The following ARVCF variants were observed in gnomAD, a reference collection of about 807,000 sequenced individuals.
ARVCF encodes splicing regulator ARVCF.
Under a neutral mutation model 90.9 loss-of-function variants are expected in ARVCF, and 66 were observed. The observed-to-expected ratio is 0.73, with a 90% CI of 0.60 to 0.89. ARVCF has a LOEUF of 0.89. ARVCF is among the 40% of genes least tolerant of loss of function. The pLI is 0.00. For synonymous variants in ARVCF, 653 were observed against 603.4 expected (o/e 1.08, Z -1.21); for missense variants, 1,469 against 1,382.3 (o/e 1.06, Z -1.00).
chr22:19,988,123 C>A (rs895716773), intron 3 of ARVCF, among the ~76,000 whole-genome samples: 3 of 152,204 alleles, frequency 2.0e-5, no homozygotes, highest in African/African-American at 7.2e-5. Flanking sequence ...TCCGCAGACC[C>A]CTCAGAAAAC....
intron 1 of ARVCF, among the ~76,000 whole-genome samples, chr22:20,013,859 G>GT (rs1355165980): frequency 1.3e-5 from 2 of 152,192 alleles, no homozygotes; most frequent in East Asian, 3.9e-4. Context: ...TTTTCTGTTT[G>GT]TTTTTTTGTG....
At chr22:20,016,127 G>A (rs1026287882) in intron 1 of ARVCF, among the ~76,000 whole-genome samples, 3 of 152,158 alleles carry the variant, frequency 2.0e-5, no homozygotes, top group East Asian at 3.9e-4. Context: ...CCGGGCCGTC[G>A]GTGCCCCTGA....
At position 19,994,030 on chromosome 22, in the gene ARVCF, C is replaced by T. The variant is rs113268705; in HGVS notation, c.-18-3218G>A. Among the ~76,000 whole-genome samples, 1,080 of 152,140 alleles carry T rather than the reference C, an allele frequency of 7.1e-3. 3 individuals are homozygous for T. The highest frequency in any genetic ancestry group is 0.01 in the Non-Finnish European group (704 of 68,016). Reference sequence around the variant, plus strand: ...CAGGAGAAGAGGGTGGCCCCAGGCACACAGCCCATGGAAGACTAGAGGGAG... The same window carrying T: ...CAGGAGAAGAGGGTGGCCCCAGGCATACAGCCCATGGAAGACTAGAGGGAG... On this transcript the variant is annotated intron_variant, in intron 2 of 19. Transcript: ENST00000263207.
Position 19,973,135 on chromosome 22 carries a change from C to T in ARVCF, c.2422G>A (p.Ala808Thr). Reference protein sequence around the residue: ...LQARGVPALVALVASSQSVRE... With the variant: ...LQARGVPALVTLVASSQSVRE... ...CCTCCACACCTGGAGGCCACGAGAG[C>T]CACCAACGCTGGCACCCCGCGTGCC... The change falls in exon 14 of 20, where the codon GCT becomes ACT. Residue 808 changes from alanine to threonine, a missense_variant. Transcript: ENST00000263207. 2 of 1,607,538 alleles carry T rather than the reference C, an allele frequency of 1.2e-6. No homozygotes were observed. The highest frequency in any genetic ancestry group is 1.7e-6 in the Non-Finnish European group (2 of 1,177,880).
intron 9 of ARVCF, 146 bp from the exon 10 acceptor site, chr22:19,976,869 TCTGGGCA>T (rs1339975719): frequency 4.1e-6 from 4 of 972,478 alleles, no homozygotes; most frequent in Non-Finnish European, 6.2e-6. Flanking sequence ...TCCCATCACT[TCTGGGCA>T]CTGAGCACCC....
Position 19,976,741 on chromosome 22 carries a change from G to A in ARVCF, c.1871-18C>T. ...CCACTCCTCTGGGAGGCCGGAGGAA[G>A]CAGAGGAGAGAGGAGAGGAGCCTGA... On this transcript the variant is annotated intron_variant, in intron 9 of 19. Transcript: ENST00000263207. The A allele has an allele frequency of 6.4e-7, 1 of 1,559,362 alleles. No homozygotes were observed. The highest frequency in any genetic ancestry group is 2.4e-5 in the East Asian group (1 of 42,432).
rs8142424 is a variant in ARVCF, at chr22:20,016,262, T to C, written c.-73+327A>G. Among the ~76,000 whole-genome samples the C allele has an allele frequency of 3.5e-3, 536 of 151,882 alleles. 3 individuals carry two copies. The highest frequency in any genetic ancestry group is 0.013 in the African/African-American group (523 of 41,358). On this transcript the variant is annotated intron_variant, in intron 1 of 19. Coordinates refer to ENST00000263207, the MANE Select transcript of ARVCF (RefSeq NM_001670.3). ...AAGCGTCGCGCGGGGCGGGCACGGC[T>C]GCGGGGTCGGGCCGCGCTCGGCTGG... is the stretch of plus-strand genomic sequence containing the variant.
intron 3 of ARVCF, among the ~76,000 whole-genome samples, chr22:19,987,802 AC>A (rs1943875373): frequency 6.6e-6 from 1 of 151,704 alleles, no homozygotes; most frequent in African/African-American, 2.4e-5. Flanking sequence ...CCTGCAGGGG[AC>A]CCCCACTTTG....
chr22:19,971,794 A>G (rs1379228892), intron 18 of ARVCF, 92 bp downstream of exon 18: 4 of 1,402,652 alleles, frequency 2.9e-6, no homozygotes, highest in Non-Finnish European at 3.0e-6. Flanking sequence ...CCCAGGGCCC[A>G]GACCAGACCC....
intron 12 of ARVCF, 136 bp downstream of exon 12, chr22:19,973,976 C>A (rs1166683051): frequency 1.5e-5 from 23 of 1,487,656 alleles, no homozygotes; most frequent in Non-Finnish European, 2.1e-5. Flanking sequence ...TTGCCCGCAG[C>A]CCATACACCT....
At chr22:19,989,716 G>A (rs971844515) in intron 3 of ARVCF, among the ~76,000 whole-genome samples, 1 of 152,088 alleles carries the variant, frequency 6.6e-6, no homozygotes, top group Non-Finnish European at 1.5e-5. Flanking sequence ...AGCTGAGCCA[G>A]GGAGACAGGA....
downstream of ARVCF, among the ~76,000 whole-genome samples, chr22:19,966,639 C>G (rs1479085601): frequency 6.6e-6 from 1 of 152,088 alleles, no homozygotes; most frequent in Admixed American, 6.5e-5. Flanking sequence ...TGGGGTCTCC[C>G]TATGTTGCCC....
chr22:20,010,883 C>T (rs1302947801), intron 1 of ARVCF, among the ~76,000 whole-genome samples: 1 of 152,252 alleles, frequency 6.6e-6, no homozygotes, highest in Non-Finnish European at 1.5e-5. Flanking sequence ...CAGGTGCTCA[C>T]AGCCCCATAA....
At chr22:20,003,865 CAG>C (rs56340347) in intron 2 of ARVCF, among the ~76,000 whole-genome samples, 45,394 of 151,832 alleles carry the variant, frequency 0.3, 8,269 homozygotes, top group African/African-American at 0.51. Context: ...AAGTTTTAGA[CAG>C]AGTAATTAGG....
intron 2 of ARVCF, among the ~76,000 whole-genome samples, chr22:20,001,053 C>A (rs545975420): frequency 3.9e-4 from 60 of 152,322 alleles, no homozygotes; most frequent in African/African-American, 1.3e-3. Context: ...CTCGTCCACA[C>A]CCATATGGCT....
chr22:20,010,660 C>T (rs902924252), intron 1 of ARVCF, among the ~76,000 whole-genome samples, 152 bp from the exon 2 acceptor site: 1 of 152,240 alleles, frequency 6.6e-6, no homozygotes, highest in Non-Finnish European at 1.5e-5. Context: ...CATAACCACA[C>T]ACTCATGTGT....
chr22:20,015,334 T>C (rs775335930), intron 1 of ARVCF, among the ~76,000 whole-genome samples: 2 of 152,102 alleles, frequency 1.3e-5, no homozygotes, highest in African/African-American at 2.4e-5. Flanking sequence ...GGGGCAAGAC[T>C]GGGGGAAATG....
At chr22:19,972,248 A>G (rs754046547) in intron 17 of ARVCF, 110 bp downstream of exon 17, 51 of 1,467,544 alleles carry the variant, frequency 3.5e-5, no homozygotes, top group African/African-American at 2.4e-4. Context: ...CCTAAACCAA[A>G]TATCTCTCCT....
downstream of ARVCF, among the ~76,000 whole-genome samples, chr22:19,966,171 A>T (rs991134229): frequency 7.9e-5 from 12 of 152,230 alleles, no homozygotes; most frequent in Non-Finnish European, 1.5e-4. Flanking sequence ...TGAATTGGGA[A>T]TGGGTGTCCT....
Sources: allele counts gnomAD v4.1 joint callset (sites outside exome capture counted in the v4.1 genomes callset), GRCh38; gene constraint gnomAD v4.1.1; transcripts MANE v1.5; gene names NCBI Gene and HGNC (gene_info 2026-07-23, HGNC 2026-07-21).